LRRC3B: variants seen among roughly 807,000 people sequenced by gnomAD.
LRRC3B encodes leucine rich repeat containing 3B, also known as leucine-rich repeat-containing protein 3B.
In LRRC3B, 2 loss-of-function variants were observed where a neutral mutation model predicts 12.8. The observed-to-expected ratio is 0.16, with a 90% CI of 0.06 to 0.49. The LOEUF is 0.49. Among genes scored for constraint, LRRC3B ranks in the 20% least tolerant of loss-of-function variants. The pLI, the probability that LRRC3B is intolerant of heterozygous loss-of-function variation, is 0.96. For synonymous variants in LRRC3B, 132 were observed against 122.0 expected (o/e 1.08, Z -0.54); for missense variants, 189 against 319.4 (o/e 0.59, Z 3.11).
chr3:26,672,679 C>G (rs1699772671), intron 1 of LRRC3B, among the ~76,000 whole-genome samples: 1 of 152,238 alleles, frequency 6.6e-6, no homozygotes, highest in Admixed American at 6.5e-5. Context: ...AGCCCCAACT[C>G]TATTGCTCCA....
chr3:26,710,407 G>C (rs1559377434), exon 2 of LRRC3B: 1 of 1,613,432 alleles, frequency 6.2e-7, no homozygotes, highest in African/African-American at 1.3e-5. Flanking sequence ...TGCCAAGCAG[G>C]CAGAAGAAAG....
intron 1 of LRRC3B, 113 bp from the exon 2 acceptor site, chr3:26,709,400 T>G (rs4473518): frequency 0.14 from 63,367 of 454,360 alleles, 5,901 homozygotes; most frequent in African/African-American, 0.3. Flanking sequence ...GGAAATTACC[T>G]GCATAACTAA....
chr3:26,703,156 T>G (rs1187176496), intron 1 of LRRC3B, among the ~76,000 whole-genome samples: 1 of 152,120 alleles, frequency 6.6e-6, no homozygotes, highest in Non-Finnish European at 1.5e-5. Context: ...GTTATTTTAG[T>G]CACAAATACA....
intron 1 of LRRC3B, among the ~76,000 whole-genome samples, chr3:26,648,149 C>T (rs1306679103): frequency 6.6e-6 from 1 of 151,590 alleles, no homozygotes; most frequent in Non-Finnish European, 1.5e-5. Flanking sequence ...ATAACATTTT[C>T]AGGCTTCAAC....
intron 1 of LRRC3B, among the ~76,000 whole-genome samples, chr3:26,674,807 ACTT>A (rs1462334500): frequency 6.6e-6 from 1 of 151,832 alleles, no homozygotes; most frequent in African/African-American, 2.4e-5. Flanking sequence ...CCTTCTCTCT[ACTT>A]CTTCTCCCAT....
intron 1 of LRRC3B, among the ~76,000 whole-genome samples, chr3:26,675,247 A>ATGAT (rs1559363123): frequency 6.6e-6 from 1 of 152,224 alleles, no homozygotes; most frequent in African/African-American, 2.4e-5. Context: ...AACAAAGCCA[A>ATGAT]TGATTCTTAA....
At chr3:26,650,584 CT>C (rs943879536) in intron 1 of LRRC3B, among the ~76,000 whole-genome samples, 3 of 150,916 alleles carry the variant, frequency 2.0e-5, no homozygotes, top group Admixed American at 6.6e-5. Context: ...AGGTGTTTTG[CT>C]TTTTTTTTCA....
exon 1 of LRRC3B, chr3:26,622,881 G>A (rs1698544153): frequency 6.6e-6 from 1 of 152,172 alleles, no homozygotes; most frequent in South Asian, 2.1e-4. Flanking sequence ...TTCCTGCAAG[G>A]CTACGGCGCC....
intron 1 of LRRC3B, among the ~76,000 whole-genome samples, chr3:26,701,813 T>C (rs1033980764): frequency 6.6e-6 from 1 of 152,118 alleles, no homozygotes; most frequent in African/African-American, 2.4e-5. Context: ...CAAGGACACA[T>C]TGACTCACAG....
chr3:26,686,165 C>T (rs1018762113), intron 1 of LRRC3B, among the ~76,000 whole-genome samples: 60 of 152,066 alleles, frequency 3.9e-4, no homozygotes, highest in Admixed American at 6.5e-4. Context: ...CTGCAAGCTC[C>T]GCCTCCCGGG....
intron 1 of LRRC3B, among the ~76,000 whole-genome samples, chr3:26,686,864 C>CTAGTTG (rs1256218066): frequency 6.6e-6 from 1 of 152,194 alleles, no homozygotes; most frequent in Non-Finnish European, 1.5e-5. Context: ...TAGACTGGTC[C>CTAGTTG]TTCAGAGTTG....
At chr3:26,683,202 A>G (rs914128540) in intron 1 of LRRC3B, among the ~76,000 whole-genome samples, 1 of 152,224 alleles carries the variant, frequency 6.6e-6, no homozygotes, top group Non-Finnish European at 1.5e-5. Flanking sequence ...AGAGGGCAGC[A>G]GTTTAAAATC....
chr3:26,656,498 G>A (rs551327990), intron 1 of LRRC3B, among the ~76,000 whole-genome samples: 155 of 152,256 alleles, frequency 1.0e-3, no homozygotes, highest in African/African-American at 3.4e-3. Context: ...AGAGGAGCAC[G>A]CATAGGATGA....
chr3:26,651,638 A>G (rs568960918), intron 1 of LRRC3B, among the ~76,000 whole-genome samples: 1 of 152,346 alleles, frequency 6.6e-6, no homozygotes, highest in African/African-American at 2.4e-5. Context: ...GTGTAGTAAC[A>G]TATTCTGAAG....
chr3:26,696,528 G>A lies in LRRC3B; in HGVS notation c.-160-12985G>A, dbSNP rs534612822. Among the ~76,000 whole-genome samples the A allele has an allele frequency of 2.3e-4, 35 of 151,596 alleles. No homozygotes were observed. The East Asian group carries it at 6.8e-3, about 29-fold the overall frequency. Reference sequence around the variant, plus strand: ...TAACTCTTCAGAATGCTGTTTGTAAGTGAGGTTACTACATGTTCCATTTTG... The same window carrying A: ...TAACTCTTCAGAATGCTGTTTGTAAATGAGGTTACTACATGTTCCATTTTG... On this transcript the variant is annotated intron_variant, in intron 1 of 1. Coordinates refer to ENST00000396641, the Ensembl canonical transcript of LRRC3B.
chr3:26,708,802 G>C (rs147608485), intron 1 of LRRC3B, among the ~76,000 whole-genome samples: 5 of 152,116 alleles, frequency 3.3e-5, no homozygotes, highest in African/African-American at 1.2e-4. Flanking sequence ...AGTCATGGAG[G>C]TGTGTGCCAT....
intron 1 of LRRC3B, among the ~76,000 whole-genome samples, chr3:26,659,554 A>G (rs1238476026): frequency 1.3e-5 from 2 of 152,194 alleles, no homozygotes; most frequent in Non-Finnish European, 2.9e-5. Context: ...GTGGCATTTG[A>G]TTACCATGGA....
chr3:26,658,220 G>A (rs1322128245), intron 1 of LRRC3B, among the ~76,000 whole-genome samples: 2 of 152,078 alleles, frequency 1.3e-5, no homozygotes, highest in African/African-American at 4.8e-5. Context: ...ACCACGCCCA[G>A]CTAATTTTTT....
intron 1 of LRRC3B, among the ~76,000 whole-genome samples, chr3:26,674,461 G>A (rs560613788): frequency 1.3e-5 from 2 of 150,012 alleles, no homozygotes; most frequent in Admixed American, 6.6e-5. Flanking sequence ...CTATTCTTGT[G>A]TTCTTATAAA....
Sources: gnomAD v4.1 joint callset for allele counts (sites outside exome capture counted in the v4.1 genomes callset) on GRCh38, gnomAD v4.1.1 for gene constraint, MANE v1.5 for transcripts, NCBI Gene and HGNC (gene_info 2026-07-23, HGNC 2026-07-21) for gene names.